Variants in UQCR11 observed in about 807,000 individuals in gnomAD.
UQCR11 encodes the protein ubiquinol-cytochrome c reductase, complex III subunit XI, also known as cytochrome b-c1 complex subunit 10.
UQCR11 carries 10 observed loss-of-function variants against 7.6 expected under a neutral mutation model. That is an observed-to-expected ratio of 1.31 (90% CI 0.81 to 2.22). The LOEUF (loss-of-function observed/expected upper bound fraction) is 2.22, where lower values mean the gene tolerates loss of function less well. Ranked by LOEUF, UQCR11 falls within the 30% of genes most tolerant of loss-of-function variation. UQCR11 has a pLI of 0.00. For synonymous variants in UQCR11, 34 were observed against 34.9 expected (o/e 0.97, Z 0.09); for missense variants, 86 against 75.1 (o/e 1.15, Z -0.54).
intron 1 of UQCR11, among the ~76,000 whole-genome samples, chr19:1,604,281 G>A (rs955489112): frequency 5.9e-5 from 9 of 152,110 alleles, no homozygotes; most frequent in African/African-American, 1.9e-4. Context: ...GTCTTGCTGT[G>A]TTGCCCAGGC....
At chr19:1,598,505 T>C (rs1599355700) in intron 2 of UQCR11, among the ~76,000 whole-genome samples, 1 of 151,048 alleles carries the variant, frequency 6.6e-6, no homozygotes, top group African/African-American at 2.4e-5. Flanking sequence ...GATCGCGTCA[T>C]TGCGCTCCAG....
Position 1,599,239 on chromosome 19 carries a change from G to A in UQCR11, c.*28+173C>T, listed in dbSNP as rs1599356046. The A allele has an allele frequency of 6.3e-6, 5 of 787,746 alleles. No individual in the cohort carries two copies. In the East Asian group the frequency reaches 1.4e-4, roughly 22 times the overall value. 48.8% of individuals were successfully genotyped at this position (787,746 alleles called of 1,614,324 possible). On this transcript the variant is annotated intron_variant, in intron 2 of 2. Coordinates refer to ENST00000591899, the MANE Select transcript of UQCR11 (RefSeq NM_006830.4). ...AAGGCTGCGGGGCGGACAGTTCTGT[G>A]CCCGTGGGCCGGAGATGCCAGAAGG...
intron 1 of UQCR11, among the ~76,000 whole-genome samples, chr19:1,603,782 C>T (rs745883429): frequency 9.2e-5 from 14 of 152,146 alleles, no homozygotes; most frequent in Non-Finnish European, 5.9e-5. Flanking sequence ...CTTCCTCATC[C>T]CAGGCCTGAG....
At chr19:1,604,211 T>C (rs1221393334) in intron 1 of UQCR11, among the ~76,000 whole-genome samples, 1 of 151,958 alleles carries the variant, frequency 6.6e-6, no homozygotes, top group African/African-American at 2.4e-5. Flanking sequence ...TCCCAAAGTG[T>C]TGGGATTACA....
chr19:1,600,057 G>A (rs1174401564), intron 1 of UQCR11, among the ~76,000 whole-genome samples: 3 of 152,228 alleles, frequency 2.0e-5, no homozygotes, highest in Non-Finnish European at 4.4e-5. Context: ...ACCACGGCAC[G>A]TGCTGTGAGA....
rs555009178 is a variant in UQCR11 at position 1,597,342 on chromosome 19, T to A, written c.*902A>T. The A allele has an allele frequency of 6.6e-6, 1 of 152,286 alleles. No individual in the cohort carries two copies. Among genetic ancestry groups the A allele is most frequent in the South Asian group, 2.1e-4 (1 of 4,828 alleles). 9.4% of individuals were successfully genotyped at this position (152,286 alleles called of 1,614,324 possible). On this transcript the variant is annotated 3_prime_UTR_variant, in exon 3 of 3. Transcript: ENST00000591899. ...GAGCCACCACTCCCAGCCTGTTCAT[T>A]TTTGTATCCCTAATGTGACAGTTTG...
At chr19:1,602,957 A>G (rs908745876) in intron 1 of UQCR11, among the ~76,000 whole-genome samples, 2 of 152,094 alleles carry the variant, frequency 1.3e-5, no homozygotes, top group Admixed American at 6.5e-5. Flanking sequence ...CGCCACGACA[A>G]CCCCTTCCTC....
intron 2 of UQCR11, 47 bp downstream of exon 2, chr19:1,599,365 C>T: frequency 6.3e-7 from 1 of 1,593,734 alleles, no homozygotes; most frequent in Non-Finnish European, 8.5e-7. Flanking sequence ...CTTCGGCCAC[C>T]ATCCGGCCAT....
chr19:1,603,920 C>T (rs933214937), intron 1 of UQCR11, among the ~76,000 whole-genome samples: 5 of 152,194 alleles, frequency 3.3e-5, no homozygotes, highest in Non-Finnish European at 5.9e-5. Context: ...TTCTGGCTTC[C>T]GGAGACACTG....
chr19:1,603,770 G>A (rs2060753839), intron 1 of UQCR11, among the ~76,000 whole-genome samples: 1 of 152,198 alleles, frequency 6.6e-6, no homozygotes, highest in African/African-American at 2.4e-5. Context: ...GCTAGGAGCA[G>A]GCTTCCTCAT....
chr19:1,599,029 G>A (rs112964628), intron 2 of UQCR11: 17 of 214,050 alleles, frequency 7.9e-5, no homozygotes, highest in African/African-American at 2.8e-4. Context: ...CCTCACAGGC[G>A]CTTCCAAGAG....
chr19:1,600,152 G>A (rs999837932), intron 1 of UQCR11, among the ~76,000 whole-genome samples: 1 of 149,232 alleles, frequency 6.7e-6, no homozygotes, highest in African/African-American at 2.4e-5. Context: ...GGAAGGCCCA[G>A]CAAACCCGCC....
intron 1 of UQCR11, among the ~76,000 whole-genome samples, chr19:1,603,259 G>A (rs760883150): frequency 3.3e-5 from 5 of 152,166 alleles, no homozygotes; most frequent in Non-Finnish European, 7.3e-5. Flanking sequence ...CAGAATGTCC[G>A]CCCACAAGGG....
At chr19:1,599,065 GCCAGCCTCCACCTT>G in intron 2 of UQCR11, 1 of 248,772 alleles carries the variant, frequency 4.0e-6, no homozygotes, top group Non-Finnish European at 8.0e-6. Flanking sequence ...GCCACTGTGG[GCCAGCCTCCACCTT>G]CCCCCTCTGT....
intron 2 of UQCR11, chr19:1,599,113 T>G: frequency 3.2e-6 from 1 of 316,362 alleles, no homozygotes; most frequent in Non-Finnish European, 6.1e-6. Context: ...CCCACCCAGT[T>G]CAGGCTGCAG....
intron 1 of UQCR11, among the ~76,000 whole-genome samples, chr19:1,601,113 G>A (rs2060745999): frequency 6.6e-6 from 1 of 151,960 alleles, no homozygotes; most frequent in South Asian, 2.1e-4. Context: ...AGGTTGCAGT[G>A]AGCCAAGATT....
chr19:1,603,085 G>A (rs74503756), intron 1 of UQCR11, among the ~76,000 whole-genome samples: 1 of 152,192 alleles, frequency 6.6e-6, no homozygotes, highest in East Asian at 1.9e-4. Context: ...AGTGCCTCCT[G>A]GGGATGAGAC....
At chr19:1,602,989 T>C (rs921031837) in intron 1 of UQCR11, among the ~76,000 whole-genome samples, 6 of 152,152 alleles carry the variant, frequency 3.9e-5, no homozygotes, top group Non-Finnish European at 5.9e-5. Flanking sequence ...CAGCAGGGCC[T>C]AGAAGGGGTG....
rs752926757 is a variant in UQCR11 at position 1,605,436 on chromosome 19, A to T, written c.-27T>A. 11 of 1,292,304 alleles carry T rather than the reference A, an allele frequency of 8.5e-6. No homozygotes were observed. In the African/African-American group the frequency reaches 2.0e-4, roughly 23 times the overall value. The allele number at this position is 1,292,304 out of a possible 1,614,324, so 80.1% of individuals were successfully genotyped here. A position where few individuals can be genotyped will look rare whatever the true frequency, so the allele number is the denominator to read the frequency against. ...GCGGCGGAGTCGCACCCTCAGGATG[A>T]CCCTGTCCAGCTGACCCGGCTACAC... On this transcript the variant is annotated 5_prime_UTR_variant, in exon 1 of 3. Coordinates refer to ENST00000591899, the MANE Select transcript of UQCR11 (RefSeq NM_006830.4).
Sources: allele counts gnomAD v4.1 joint callset (sites outside exome capture counted in the v4.1 genomes callset), GRCh38; gene constraint gnomAD v4.1.1; transcripts MANE v1.5; gene names NCBI Gene and HGNC (gene_info 2026-07-23, HGNC 2026-07-21).